Variants in PRKD1 observed in about 807,000 individuals in gnomAD.
PRKD1 encodes serine/threonine-protein kinase D1.
Under a neutral mutation model 95.9 loss-of-function variants are expected in PRKD1, and 63 were observed. The observed-to-expected ratio is 0.66, with a 90% CI of 0.54 to 0.81. PRKD1 has a LOEUF of 0.81. Among genes scored for constraint, PRKD1 ranks in the 30% least tolerant of loss-of-function variants. The probability of loss-of-function intolerance (pLI) is 0.00; values close to 1 mark genes in which losing one functional copy is unlikely to be tolerated. For missense variants in PRKD1, 1,048 were observed against 1,165.3 expected (o/e 0.90, Z 1.47); for synonymous variants, 425 against 423.1 (o/e 1.00, Z -0.05).
chr14:29,580,193 C>G lies in PRKD1; in HGVS notation c.2435-1833G>C, dbSNP rs116749569. 8.6e-3 allele frequency among the ~76,000 whole-genome samples: 1,310 copies of G among 152,190 alleles called. 23 individuals carry two copies. Among genetic ancestry groups the G allele is most frequent in the African/African-American group, 0.03 (1,254 of 41,522 alleles). On this transcript the variant is annotated intron_variant, in intron 16 of 17. Coordinates refer to ENST00000331968, the MANE Select transcript of PRKD1 (RefSeq NM_002742.3). ...ACTCAACAAAAGGTCTCGTTTGTGCCCAAATGGGCCCCAACAGTGAACCAC... is the reference window on the plus strand; with the variant it reads ...ACTCAACAAAAGGTCTCGTTTGTGCGCAAATGGGCCCCAACAGTGAACCAC...
rs1487674171 is a variant in PRKD1 at position 29,915,890 on chromosome 14, T to C, written c.264+11359A>G. 2.6e-5 allele frequency among the ~76,000 whole-genome samples: 4 copies of C among 152,330 alleles called. No homozygotes were observed. The East Asian group carries it at 7.7e-4, about 29-fold the overall frequency. On this transcript the variant is annotated intron_variant, in intron 1 of 17. Transcript: ENST00000331968. Reference sequence around the variant, plus strand: ...GCTTTTTACGTAGTAGCTGTGTGTCTTGAGGTAAATAATTTAACCTCTCCA... The same window carrying C: ...GCTTTTTACGTAGTAGCTGTGTGTCCTGAGGTAAATAATTTAACCTCTCCA...
intron 2 of PRKD1, among the ~76,000 whole-genome samples, chr14:29,677,867 G>C (rs925188042): frequency 6.6e-6 from 1 of 152,120 alleles, no homozygotes; most frequent in Non-Finnish European, 1.5e-5. Flanking sequence ...GCCCAGCCCA[G>C]TTCTTCTTTT....
chr14:29,905,096 A>T (rs45517736), intron 1 of PRKD1, among the ~76,000 whole-genome samples: 4,142 of 152,332 alleles, frequency 0.027, 172 homozygotes, highest in African/African-American at 0.091. Context: ...TACTTTGGGC[A>T]AACGGTTGCA....
chr14:29,611,129 G>A (rs1878429787), intron 13 of PRKD1, among the ~76,000 whole-genome samples: 1 of 152,152 alleles, frequency 6.6e-6, no homozygotes, highest in Non-Finnish European at 1.5e-5. Context: ...AGTAAACCAT[G>A]ATGTAAACTA....
intron 16 of PRKD1, among the ~76,000 whole-genome samples, chr14:29,581,789 G>A (rs538774105): frequency 2.0e-5 from 3 of 151,994 alleles, no homozygotes; most frequent in East Asian, 1.9e-4. Flanking sequence ...AATTCTCCTA[G>A]CTTTCTGTCA....
chr14:29,598,271 C>CTAAAATAAAA (rs199974379), intron 15 of PRKD1, among the ~76,000 whole-genome samples: 16 of 131,432 alleles, frequency 1.2e-4, no homozygotes, highest in African/African-American at 2.8e-4. Flanking sequence ...AGTGCTCTGT[C>CTAAAATAAAA]TAAAATAAAA....
At chr14:29,911,128 G>GC (rs1169082663) in intron 1 of PRKD1, among the ~76,000 whole-genome samples, 2 of 151,654 alleles carry the variant, frequency 1.3e-5, no homozygotes, top group Non-Finnish European at 2.9e-5. Flanking sequence ...CTTAAACTTT[G>GC]CAATACTTAT....
chr14:29,659,962 A>G (rs1026371718), intron 4 of PRKD1, among the ~76,000 whole-genome samples: 1 of 152,182 alleles, frequency 6.6e-6, no homozygotes, highest in Non-Finnish European at 1.5e-5. Flanking sequence ...CAATTTATCA[A>G]TCTTTTTCCT....
At chr14:29,853,766 G>A (rs1243157696) in intron 1 of PRKD1, among the ~76,000 whole-genome samples, 2 of 152,214 alleles carry the variant, frequency 1.3e-5, no homozygotes, top group Admixed American at 1.3e-4. Flanking sequence ...TGTGTTGTGG[G>A]AGGGACCTGG....
At chr14:29,837,597 A>G (rs1404338179) in intron 1 of PRKD1, among the ~76,000 whole-genome samples, 2 of 152,224 alleles carry the variant, frequency 1.3e-5, no homozygotes, top group East Asian at 3.9e-4. Context: ...AGTATTTATA[A>G]TCTATGGCTT....
intron 1 of PRKD1, among the ~76,000 whole-genome samples, chr14:29,738,014 G>C (rs893320580): frequency 1.3e-5 from 2 of 152,090 alleles, no homozygotes; most frequent in South Asian, 2.1e-4. Context: ...AAAATGTATG[G>C]GGTGGTTTAA....
intron 1 of PRKD1, among the ~76,000 whole-genome samples, chr14:29,811,703 G>A (rs1890492002): frequency 1.3e-5 from 2 of 152,214 alleles, no homozygotes. Flanking sequence ...TGGTGGGGAA[G>A]CCAGAAGTGG....
At chr14:29,623,020 G>A (rs1015920556) in intron 13 of PRKD1, among the ~76,000 whole-genome samples, 2 of 152,186 alleles carry the variant, frequency 1.3e-5, no homozygotes, top group African/African-American at 4.8e-5. Flanking sequence ...TCATTTACTA[G>A]AGTTTCAGAT....
intron 1 of PRKD1, among the ~76,000 whole-genome samples, chr14:29,821,875 C>G (rs960633641): frequency 3.3e-5 from 5 of 152,058 alleles, no homozygotes; most frequent in Admixed American, 3.3e-4. Context: ...CACACACACA[C>G]CCACACACAA....
chr14:29,743,100 A>T (rs1247377153), intron 1 of PRKD1, among the ~76,000 whole-genome samples: 1 of 152,216 alleles, frequency 6.6e-6, no homozygotes, highest in Non-Finnish European at 1.5e-5. Flanking sequence ...AAATGTTTTA[A>T]GCAAGATATT....
intron 1 of PRKD1, among the ~76,000 whole-genome samples, chr14:29,879,392 C>T (rs556106405): frequency 1.3e-5 from 2 of 152,302 alleles, no homozygotes; most frequent in East Asian, 1.9e-4. Context: ...GGGGCTTCCA[C>T]GTTTGCTTCT....
chr14:29,707,520 C>G (rs555638784), intron 2 of PRKD1, among the ~76,000 whole-genome samples: 2 of 152,070 alleles, frequency 1.3e-5, no homozygotes, highest in Admixed American at 1.3e-4. Context: ...AATGTACCTG[C>G]CTTTGTGGAA....
intron 2 of PRKD1, among the ~76,000 whole-genome samples, chr14:29,718,224 A>G (rs1885720993): frequency 6.6e-6 from 1 of 152,160 alleles, no homozygotes; most frequent in Non-Finnish European, 1.5e-5. Context: ...AAGTGGTTAA[A>G]TTATGGAGGT....
intron 1 of PRKD1, among the ~76,000 whole-genome samples, chr14:29,795,956 T>A (rs993748109): frequency 6.6e-6 from 1 of 152,126 alleles, no homozygotes; most frequent in Non-Finnish European, 1.5e-5. Flanking sequence ...TTTAAATGTA[T>A]CAGCTGGTCA....
Sources: allele counts gnomAD v4.1 joint callset (sites outside exome capture counted in the v4.1 genomes callset), GRCh38; gene constraint gnomAD v4.1.1; transcripts MANE v1.5; gene names NCBI Gene and HGNC (gene_info 2026-07-23, HGNC 2026-07-21).